GSG1L2: variants seen among roughly 807,000 people sequenced by gnomAD.
GSG1L2 encodes the protein germ cell-specific gene 1-like protein 2.
GSG1L2 carries 15 observed loss-of-function variants against 9.0 expected under a neutral mutation model. That is an observed-to-expected ratio of 1.67 (90% CI 1.12 to 2.57). The LOEUF is 2.57. Ranked by LOEUF, GSG1L2 falls within the 30% of genes most tolerant of loss-of-function variation. The pLI is 0.00. For synonymous variants in GSG1L2, 127 were observed against 57.9 expected, an observed-to-expected ratio of 2.19 and a Z score of -5.41; for missense variants, 286 against 150.3, an observed-to-expected ratio of 1.90 and a Z score of -4.72.
chr17:9,812,789 T>A (rs1047754749), intron 1 of GSG1L2, among the ~76,000 whole-genome samples: 2 of 152,116 alleles, frequency 1.3e-5, no homozygotes, highest in Non-Finnish European at 2.9e-5. Flanking sequence ...CCTGGCTAAC[T>A]TTTTTATTTT....
Position 9,804,645 on chromosome 17 carries a change from T to G in GSG1L2, c.624-2001A>C, listed in dbSNP as rs544345128. The G allele has an allele frequency of 5.3e-5, 8 of 152,322 alleles. 1 individual carries two copies. The South Asian group carries it at 1.7e-3, about 32-fold the overall frequency. The allele number at this position is 152,322 out of a possible 1,614,324, so 9.4% of individuals were successfully genotyped here. A position where few individuals can be genotyped will look rare whatever the true frequency, so the allele number is the denominator to read the frequency against. On this transcript the variant is annotated intron_variant, in intron 4 of 4. Coordinates refer to ENST00000399363, the MANE Select transcript of GSG1L2 (RefSeq NM_001310219.2). The stretch of plus-strand genomic sequence containing the variant: ...TCTACAAACCGATATTTGTGTGTGT[T>G]TTTGTGGAGTGGAATTCCAAGATAA...
chr17:9,818,659 C>T (rs1256123066), intron 1 of GSG1L2, among the ~76,000 whole-genome samples: 7 of 151,754 alleles, frequency 4.6e-5, no homozygotes, highest in East Asian at 1.9e-4. Flanking sequence ...CCCTTTCCAA[C>T]GACCAGATCC....
intron 1 of GSG1L2, among the ~76,000 whole-genome samples, chr17:9,817,514 T>C (rs1163162468): frequency 6.7e-6 from 1 of 148,864 alleles, no homozygotes; most frequent in East Asian, 2.0e-4. Flanking sequence ...AACCCCCGCC[T>C]CCCAGGTTCA....
intron 1 of GSG1L2, among the ~76,000 whole-genome samples, chr17:9,815,130 G>A (rs2066554440): frequency 6.6e-6 from 1 of 152,186 alleles, no homozygotes; most frequent in South Asian, 2.1e-4. Context: ...GCTCACGCCT[G>A]TAATCCCAGC....
chr17:9,809,247 A>C, intron 2 of GSG1L2: 1 of 453,648 alleles, frequency 2.2e-6, no homozygotes, highest in Non-Finnish European at 4.1e-6. Context: ...CTGTGAGGAT[A>C]TGAGTGGTGC....
At chr17:9,803,090 G>A (rs933849209) in intron 4 of GSG1L2, among the ~76,000 whole-genome samples, 2 of 147,586 alleles carry the variant, frequency 1.4e-5, no homozygotes, top group Non-Finnish European at 3.0e-5. Context: ...CAGTGGCATT[G>A]GTGTCATTAC....
chr17:9,805,539 T>C (rs1350262333), intron 4 of GSG1L2: 1 of 152,296 alleles, frequency 6.6e-6, no homozygotes, highest in African/African-American at 2.4e-5. Context: ...GTATGGAGTA[T>C]TGAATTTCCA....
chr17:9,802,394 T>C lies in GSG1L2; in HGVS notation c.874A>G (p.Ile292Val). The change falls in exon 5 of 5, where the codon ATA becomes GTA. Residue 292 changes from isoleucine to valine, a missense_variant. Ile to Val is a conservative substitution (Grantham distance 29, BLOSUM62 3). Transcript: ENST00000399363. Reference protein sequence around the residue: ...LPPGAPGKVSIC With the variant: ...LPPGAPGKVSVC ...GCAGCCATGGACACTGGCTAGCATA[T>C]GGACACCTTGCCTGGGGCGCCTGGT... 1 of 664,588 alleles carries C rather than the reference T, an allele frequency of 1.5e-6. No individual in the cohort carries two copies. The highest frequency in any genetic ancestry group is 2.7e-6 in the Non-Finnish European group (1 of 365,498). The allele number at this position is 664,588 out of a possible 1,614,324, so 41.2% of individuals were successfully genotyped here. A position where few individuals can be genotyped will look rare whatever the true frequency, so the allele number is the denominator to read the frequency against.
At position 9,801,042 on chromosome 17, in the gene GSG1L2, T is replaced by C. The variant is rs2066494763; in HGVS notation, c.*1344A>G. Among the ~76,000 whole-genome samples the C allele has an allele frequency of 6.6e-6, 1 of 151,866 alleles. No homozygotes were observed. Among genetic ancestry groups the C allele is most frequent in the Non-Finnish European group, 1.5e-5 (1 of 67,982 alleles). Reference sequence around the variant, plus strand: ...GAAGGTAGCTGGATTTTTTTTTTCATTTTTTTTATGACAGTATAAGTGTTA... The same window carrying C: ...GAAGGTAGCTGGATTTTTTTTTTCACTTTTTTTATGACAGTATAAGTGTTA... On this transcript the variant is annotated 3_prime_UTR_variant, in exon 5 of 5. Transcript: ENST00000399363.
intron 1 of GSG1L2, among the ~76,000 whole-genome samples, chr17:9,821,198 C>T (rs538102823): frequency 5.3e-5 from 8 of 152,268 alleles, no homozygotes; most frequent in Admixed American, 2.0e-4. Flanking sequence ...TGTCCCTGAA[C>T]GCGGGCTTAC....
chr17:9,814,609 T>C (rs2066552534), intron 1 of GSG1L2, among the ~76,000 whole-genome samples: 1 of 152,138 alleles, frequency 6.6e-6, no homozygotes, highest in African/African-American at 2.4e-5. Context: ...CTTTGATGAA[T>C]ATGAATCCTT....
intron 1 of GSG1L2, among the ~76,000 whole-genome samples, chr17:9,816,344 G>A (rs1178634922): frequency 1.3e-5 from 2 of 151,822 alleles, no homozygotes; most frequent in Non-Finnish European, 1.5e-5. Flanking sequence ...CCAGAAAAAT[G>A]TGCACGTGCA....
chr17:9,818,992 T>G (rs1221651717), intron 1 of GSG1L2, among the ~76,000 whole-genome samples: 1 of 152,202 alleles, frequency 6.6e-6, no homozygotes, highest in African/African-American at 2.4e-5. Flanking sequence ...AGGAAATGAC[T>G]GTCAGTGAAT....
chr17:9,809,271 G>T (rs1375710374), intron 2 of GSG1L2: 4 of 404,014 alleles, frequency 9.9e-6, no homozygotes, highest in Non-Finnish European at 1.8e-5. Flanking sequence ...GGGTCTCCAT[G>T]CCCTAGCTCA....
chr17:9,815,287 G>A (rs2066555192), intron 1 of GSG1L2, among the ~76,000 whole-genome samples: 1 of 152,186 alleles, frequency 6.6e-6, no homozygotes, highest in Non-Finnish European at 1.5e-5. Context: ...CTACTCAGGA[G>A]GCTGAGGCAG....
chr17:9,818,501 ATTTTTTTTTTTT>A (rs377057350), intron 1 of GSG1L2, among the ~76,000 whole-genome samples: 10 of 82,786 alleles, frequency 1.2e-4, no homozygotes, highest in Admixed American at 7.1e-4. Flanking sequence ...ACACAGCTAA[ATTTTTTTTTTTT>A]TTTTTTTTTT....
At chr17:9,806,428 A>G (rs548954817) in intron 4 of GSG1L2, among the ~76,000 whole-genome samples, 1 of 152,394 alleles carries the variant, frequency 6.6e-6, no homozygotes, top group African/African-American at 2.4e-5. Flanking sequence ...TGGAATTGAT[A>G]GATTGTTACG....
At chr17:9,815,156 G>A (rs1316871323) in intron 1 of GSG1L2, among the ~76,000 whole-genome samples, 2 of 152,202 alleles carry the variant, frequency 1.3e-5, no homozygotes, top group Non-Finnish European at 2.9e-5. Flanking sequence ...GGGAGGCCGA[G>A]GCGGGCGGAT....
chr17:9,814,259 A>G (rs760921796), intron 1 of GSG1L2, among the ~76,000 whole-genome samples: 4 of 152,184 alleles, frequency 2.6e-5, no homozygotes, highest in African/African-American at 4.8e-5. Flanking sequence ...GTGTTGAGTT[A>G]TTAATAAAGA....
Sources: gnomAD v4.1 joint callset for allele counts (sites outside exome capture counted in the v4.1 genomes callset) on GRCh38, gnomAD v4.1.1 for gene constraint, MANE v1.5 for transcripts, NCBI Gene and HGNC (gene_info 2026-07-23, HGNC 2026-07-21) for gene names.